DGKH: variants seen among roughly 807,000 people sequenced by gnomAD.
DGKH encodes the protein diacylglycerol kinase eta, also known as DAG kinase eta.
In DGKH, 90 loss-of-function variants were observed where a neutral mutation model predicts 159.3. The observed-to-expected ratio is 0.57, with a 90% CI of 0.48 to 0.67. The LOEUF is 0.67. Among genes scored for constraint, DGKH ranks in the 30% least tolerant of loss-of-function variants. DGKH has a pLI of 0.00. For missense variants in DGKH, 1,181 were observed against 1,506.1 expected, an observed-to-expected ratio of 0.78 and a Z score of 3.57; for synonymous variants, 536 against 553.8, an observed-to-expected ratio of 0.97 and a Z score of 0.45.
Position 42,135,507 on chromosome 13 carries a change from A to AAAAAAAAAAAAAAG in DGKH, c.384+5876_384+5877insAAAAAAAAAAAAGA, listed in dbSNP as rs71096557. ...CCTGTCTCAGAAAAAAAAAAAAAAA[A>AAAAAAAAAAAAAAG]AGAGAGAGAGAGAAAAAGAAAAAAA... On this transcript the variant is annotated intron_variant, in intron 3 of 29. Transcript: ENST00000337343. Among the ~76,000 whole-genome samples the AAAAAAAAAAAAAAG allele has an allele frequency of 1.3e-3, 148 of 113,412 alleles. 15 individuals are homozygous for AAAAAAAAAAAAAAG. Among genetic ancestry groups the AAAAAAAAAAAAAAG allele is most frequent in the Middle Eastern group, 5.4e-3 (1 of 184 alleles). The allele number at this position is 113,412 out of a possible 152,430, so 74.4% of individuals were successfully genotyped here.
At chr13:42,071,038 G>A (rs540211537) in intron 1 of DGKH, 22 of 1,247,844 alleles carry the variant, frequency 1.8e-5, no homozygotes, top group African/African-American at 3.0e-5. Flanking sequence ...GTCCATATAC[G>A]TAGAATCCAG....
intron 1 of DGKH, among the ~76,000 whole-genome samples, chr13:42,068,407 A>G (rs772712619): frequency 1.3e-5 from 2 of 152,190 alleles, no homozygotes; most frequent in Non-Finnish European, 2.9e-5. Context: ...GTGAAGCACT[A>G]TGGGTGGTAT....
chr13:42,186,423 T>C (rs897659740), intron 13 of DGKH, among the ~76,000 whole-genome samples: 7 of 152,188 alleles, frequency 4.6e-5, no homozygotes, highest in Non-Finnish European at 1.0e-4. Flanking sequence ...CCAAATGTAA[T>C]TAAAATAAAC....
rs1278406037 is a variant in DGKH at position 42,168,327 on chromosome 13, A to G, written c.1119-113A>G. 256 of 833,352 alleles carry G rather than the reference A, an allele frequency of 3.1e-4. 3 individuals carry two copies. Among genetic ancestry groups the G allele is most frequent in the Non-Finnish European group, 5.7e-5 (31 of 547,408 alleles). The allele number at this position is 833,352 out of a possible 1,614,324, so 51.6% of individuals were successfully genotyped here. A position where few individuals can be genotyped will look rare whatever the true frequency, so the allele number is the denominator to read the frequency against. Reference sequence around the variant, plus strand: ...AATGTTTATGGTATAATTAACATGTAAGTAGGAGTTCTTATATTTAATCTG... The same window carrying G: ...AATGTTTATGGTATAATTAACATGTGAGTAGGAGTTCTTATATTTAATCTG... On this transcript the variant is annotated intron_variant, in intron 9 of 29. Transcript: ENST00000337343.
chr13:42,152,445 A>G (rs898188971), intron 3 of DGKH, among the ~76,000 whole-genome samples: 26 of 149,982 alleles, frequency 1.7e-4, no homozygotes, highest in Non-Finnish European at 3.6e-4. Context: ...ATATATATAT[A>G]TACATACACA....
At chr13:42,212,096 A>T (rs1349436352) in intron 24 of DGKH, among the ~76,000 whole-genome samples, 2 of 152,164 alleles carry the variant, frequency 1.3e-5, no homozygotes, top group African/African-American at 4.8e-5. Context: ...CACTGATAAA[A>T]ATGTTGAAAA....
intron 1 of DGKH, among the ~76,000 whole-genome samples, chr13:42,079,078 AT>A (rs1326756523): frequency 6.6e-6 from 1 of 151,510 alleles, no homozygotes; most frequent in East Asian, 1.9e-4. Context: ...CACCCAGCTA[AT>A]TTTTTATATA....
At chr13:42,245,786 T>G (rs139212110), downstream of DGKH, among the ~76,000 whole-genome samples, 2,479 of 152,168 alleles carry the variant, frequency 0.016, 58 homozygotes, top group African/African-American at 0.054. Context: ...GTTTTCACCA[T>G]ATTGGCCAGG....
At chr13:42,121,813 C>T (rs1299032201) in intron 1 of DGKH, among the ~76,000 whole-genome samples, 1 of 152,206 alleles carries the variant, frequency 6.6e-6, no homozygotes, top group African/African-American at 2.4e-5. Context: ...TAACTTGGAA[C>T]CCAGGTTCCT....
At chr13:42,112,010 CAG>C (rs1954871865) in intron 1 of DGKH, among the ~76,000 whole-genome samples, 1 of 152,232 alleles carries the variant, frequency 6.6e-6, no homozygotes, top group South Asian at 2.1e-4. Flanking sequence ...ATGCCCTGCA[CAG>C]AGAGTGAATG....
chr13:42,190,321 A>G (rs1957030584), intron 15 of DGKH, 82 bp from the exon 16 acceptor site: 5 of 1,505,724 alleles, frequency 3.3e-6, no homozygotes, highest in African/African-American at 1.4e-5. Context: ...ATATGTTTCA[A>G]TTTGCCTTTC....
At chr13:42,247,163 A>G (rs1476486974), downstream of DGKH, among the ~76,000 whole-genome samples, 1 of 152,064 alleles carries the variant, frequency 6.6e-6, no homozygotes, top group Non-Finnish European at 1.5e-5. Flanking sequence ...ACAATACATA[A>G]TACTTAATGA....
chr13:42,084,188 T>G (rs1054343162), intron 1 of DGKH, among the ~76,000 whole-genome samples: 5 of 152,222 alleles, frequency 3.3e-5, no homozygotes, highest in African/African-American at 4.8e-5. Flanking sequence ...ATATATGTCT[T>G]GCATCATAGT....
chr13:42,090,787 A>G (rs960802870), intron 1 of DGKH, among the ~76,000 whole-genome samples: 1 of 152,188 alleles, frequency 6.6e-6, no homozygotes. Context: ...GTGTGAAGGT[A>G]TTAAGAGGTA....
chr13:42,190,624 T>C (rs1957042233), intron 16 of DGKH, 99 bp downstream of exon 16: 1 of 1,271,824 alleles, frequency 7.9e-7, no homozygotes, highest in African/African-American at 1.5e-5. Flanking sequence ...CTATTTGTAT[T>C]TTTATTTTTG....
chr13:42,153,014 C>G (rs1955953806), intron 3 of DGKH, among the ~76,000 whole-genome samples: 1 of 152,016 alleles, frequency 6.6e-6, no homozygotes. Flanking sequence ...TTCTTAATCA[C>G]AAGGCCTATA....
intron 7 of DGKH, among the ~76,000 whole-genome samples, chr13:42,163,000 T>C (rs1479732102): frequency 6.6e-6 from 1 of 150,398 alleles, no homozygotes; most frequent in Non-Finnish European, 1.5e-5. Context: ...CTCCTAATGC[T>C]ATCCCTCCCC....
Position 42,174,131 on chromosome 13 carries a change from C to A in DGKH, c.1439C>A (p.Ser480Tyr). 1 of 1,612,870 alleles carries A rather than the reference C, an allele frequency of 6.2e-7. No homozygotes were observed. The highest frequency in any genetic ancestry group is 8.5e-7 in the Non-Finnish European group (1 of 1,179,554). Residue 480 changes from serine to tyrosine, a missense_variant, in exon 12 of 30, where the codon TCT (serine) becomes TAT (tyrosine). By Grantham distance (144) the Ser-to-Tyr change is moderately radical. Coordinates refer to ENST00000337343, the MANE Select transcript of DGKH (RefSeq NM_178009.5). ...CTACTTCCAGGACCTCCAGAAGCAT[C>A]TGAAGAATTTTATGTAAGACTTAAC... ...ASLLPGPPEASEEFYMTIYED... is the reference protein window; with the variant it reads ...ASLLPGPPEAYEEFYMTIYED...
chr13:42,252,958 G>T (rs1958631090), intron 30 of DGKH, among the ~76,000 whole-genome samples: 1 of 152,060 alleles, frequency 6.6e-6, no homozygotes, highest in Admixed American at 6.5e-5. Flanking sequence ...ATGTTGGCCA[G>T]GTTGGTCTTG....
Sources: gnomAD v4.1 joint callset for allele counts (sites outside exome capture counted in the v4.1 genomes callset) on GRCh38, gnomAD v4.1.1 for gene constraint, MANE v1.5 for transcripts, NCBI Gene and HGNC (gene_info 2026-07-23, HGNC 2026-07-21) for gene names.